ABCA6: variants seen among roughly 807,000 people sequenced by gnomAD.
ABCA6 encodes ATP binding cassette subfamily A member 6, also known as ATP-binding cassette sub-family A member 6.
ABCA6 carries 164 observed loss-of-function variants against 191.2 expected under a neutral mutation model. That is an observed-to-expected ratio of 0.86 (90% CI 0.76 to 0.98). The LOEUF is 0.98. ABCA6 is among the 50% of genes least tolerant of loss of function. The probability of loss-of-function intolerance (pLI) is 0.00; values close to 1 mark genes in which losing one functional copy is unlikely to be tolerated. For missense variants in ABCA6, 1,958 were observed against 1,894.1 expected (o/e 1.03, Z -0.63); for synonymous variants, 636 against 647.7 (o/e 0.98, Z 0.27).
Position 69,137,479 on chromosome 17 carries a change from G to A in ABCA6, c.118C>T (p.Leu40=), listed in dbSNP as rs763420156. The A allele has an allele frequency of 3.1e-6, 5 of 1,613,086 alleles. No individual in the cohort carries two copies. Among genetic ancestry groups the A allele is most frequent in the Non-Finnish European group, 4.2e-6 (5 of 1,179,562 alleles). The change falls in exon 3 of 39, where the codon CTA becomes TTA. Residue 40 remains leucine, a synonymous_variant. Coordinates refer to ENST00000284425, the MANE Select transcript of ABCA6 (RefSeq NM_080284.3). The stretch of plus-strand genomic sequence containing the variant: ...GAAAACAGAGCAATACACAGTCCTA[G>A]AAGTATTGAGAGGCCCCATTCCTGT... The part of the protein sequence containing the change: ...SLLEWGLSIL[L]GLCIALFSSS...
In ABCA6 at chr17:69,105,521, A is replaced by G. The variant is rs369171237; in HGVS notation, c.2681T>C (p.Leu894Pro). The G allele has an allele frequency of 1.9e-6, 3 of 1,611,150 alleles. No individual in the cohort carries two copies. The African/African-American group carries it at 4.0e-5, about 22-fold the overall frequency. ...DWEFKNELYF[L>P]SPGQLPQEPR... Reference sequence around the variant, plus strand: ...TTCCTGGGGAAGTTGTCCAGGAGAGAGAAAATACAATTCGTTTTTAAATTC... The same window carrying G: ...TTCCTGGGGAAGTTGTCCAGGAGAGGGAAAATACAATTCGTTTTTAAATTC... The change falls in exon 20 of 39, where the codon CTC (leucine) becomes CCC (proline). Residue 894 changes from leucine (L) to proline (P), a missense_variant. Coordinates refer to ENST00000284425, the MANE Select transcript of ABCA6 (RefSeq NM_080284.3).
At chr17:69,096,377 A>G in intron 24 of ABCA6, 24 bp from the exon 25 acceptor site, 1 of 1,266,214 alleles carries the variant, frequency 7.9e-7, no homozygotes, top group Non-Finnish European at 1.1e-6. Flanking sequence ...AAATAATAAC[A>G]TAGTCAAAAA....
At position 69,110,834 on chromosome 17, in the gene ABCA6, T is replaced by C. The variant is rs762453485; in HGVS notation, c.2239A>G (p.Thr747Ala). Reference sequence around the variant, plus strand: ...GTATTTGTCCTTTCCAGTGGCAAAGTATATACAAGCTTTTCTTTGTTTTCT... The same window carrying C: ...GTATTTGTCCTTTCCAGTGGCAAAGCATATACAAGCTTTTCTTTGTTTTCT... ...KTENKEKLVY[T>A]LPLERTNTFP... The change falls in exon 17 of 39, where the codon ACT becomes GCT. Residue 747 changes from threonine (T) to alanine (A), a missense_variant. Transcript: ENST00000284425. The C allele has an allele frequency of 6.8e-6, 11 of 1,611,062 alleles. No homozygotes were observed. In the African/African-American group the frequency reaches 9.4e-5, roughly 14 times the overall value.
intron 17 of ABCA6, 64 bp from the exon 18 acceptor site, chr17:69,107,876 T>A: frequency 1.1e-6 from 1 of 932,946 alleles, no homozygotes; most frequent in Non-Finnish European, 1.7e-6. Context: ...CCAAGTAAAT[T>A]AATACTTATT....
chr17:69,134,181 G>C (rs2073911015), intron 5 of ABCA6, among the ~76,000 whole-genome samples: 1 of 152,154 alleles, frequency 6.6e-6, no homozygotes, highest in Non-Finnish European at 1.5e-5. Context: ...TATAACCACA[G>C]GAAAATCTGA....
intron 10 of ABCA6, among the ~76,000 whole-genome samples, chr17:69,121,476 T>C (rs1378917440): frequency 6.6e-6 from 1 of 152,072 alleles, no homozygotes; most frequent in Non-Finnish European, 1.5e-5. Flanking sequence ...ATCAAATGAC[T>C]TTCTTTCCCT....
chr17:69,110,721 T>C lies in ABCA6; in HGVS notation c.2272+80A>G, dbSNP rs527494374. Reference sequence around the variant, plus strand: ...AAAACTAAGAAAAAGTCTAAATTCATTGGACAAAGAAAATTATTTTAATAA... The same window carrying C: ...AAAACTAAGAAAAAGTCTAAATTCACTGGACAAAGAAAATTATTTTAATAA... On this transcript the variant is annotated intron_variant, in intron 17 of 38. Transcript: ENST00000284425. The C allele has an allele frequency of 4.7e-4, 692 of 1,464,420 alleles. 9 individuals carry two copies. The South Asian group carries it at 8.2e-3, about 17-fold the overall frequency. The allele number at this position is 1,464,420 out of a possible 1,614,324, so 90.7% of individuals were successfully genotyped here. A position where few individuals can be genotyped will look rare whatever the true frequency, so the allele number is the denominator to read the frequency against.
Position 69,136,265 on chromosome 17 carries a change from G to A in ABCA6, c.302-15C>T. The A allele has an allele frequency of 6.8e-7, 1 of 1,473,672 alleles. No individual in the cohort carries two copies. The highest frequency in any genetic ancestry group is 9.0e-7 in the Non-Finnish European group (1 of 1,110,572). The allele number at this position is 1,473,672 out of a possible 1,614,324, so 91.3% of individuals were successfully genotyped here. ...GACACTTGTTCCTGTGAATTACAAG[G>A]TAAAAATAGACATAGAAAATTGTAA... On this transcript the variant is annotated splice_polypyrimidine_tract_variant and intron_variant, in intron 3 of 38. Coordinates refer to ENST00000284425, the MANE Select transcript of ABCA6 (RefSeq NM_080284.3).
At chr17:69,125,060 A>T (rs1239935076) in intron 8 of ABCA6, 25 bp from the exon 9 acceptor site, 1 of 1,178,484 alleles carries the variant, frequency 8.5e-7, no homozygotes. Context: ...ATAAAAATAA[A>T]TGTTTAAAAT....
chr17:69,098,802 T>A (rs2073110250), intron 22 of ABCA6, among the ~76,000 whole-genome samples: 1 of 151,856 alleles, frequency 6.6e-6, no homozygotes, highest in Non-Finnish European at 1.5e-5. Flanking sequence ...TTCCAGGGGA[T>A]GGGGGAGGGG....
chr17:69,093,789 T>C (rs1164469039), intron 25 of ABCA6, among the ~76,000 whole-genome samples: 2 of 152,196 alleles, frequency 1.3e-5, no homozygotes, highest in African/African-American at 2.4e-5. Flanking sequence ...TCTAGAAATA[T>C]GTAGATTCCT....
At chr17:69,103,746 TC>T (rs1346687458) in intron 20 of ABCA6, among the ~76,000 whole-genome samples, 1 of 151,682 alleles carries the variant, frequency 6.6e-6, no homozygotes. Flanking sequence ...GTCAGGCCCC[TC>T]CCCACGTTCC....
chr17:69,097,364 C>G (rs1015940641), intron 23 of ABCA6, among the ~76,000 whole-genome samples: 1 of 148,972 alleles, frequency 6.7e-6, no homozygotes, highest in Non-Finnish European at 1.5e-5. Flanking sequence ...GCACTCCAGC[C>G]TGGGCAACAG....
chr17:69,089,346 C>T lies in ABCA6; in HGVS notation c.3606+119G>A, dbSNP rs2072875344. ...TTAGAAACATGTCTGAAGGTAAGTGCTTTATCTAAGATCATATAAAAACAC... is the reference window on the plus strand; with the variant it reads ...TTAGAAACATGTCTGAAGGTAAGTGTTTTATCTAAGATCATATAAAAACAC... On this transcript the variant is annotated intron_variant, in intron 27 of 38. Transcript: ENST00000284425. 9.0e-6 allele frequency: 8 copies of T among 890,028 alleles called. No homozygotes were observed. In the South Asian group the frequency reaches 1.4e-4, roughly 15 times the overall value. The allele number at this position is 890,028 out of a possible 1,614,324, so 55.1% of individuals were successfully genotyped here.
At chr17:69,089,583 T>C in intron 26 of ABCA6, 41 bp from the exon 27 acceptor site, 2 of 1,459,106 alleles carry the variant, frequency 1.4e-6, no homozygotes, top group Non-Finnish European at 1.9e-6. Flanking sequence ...TAATGATAAT[T>C]CATCTGCTTT....
At chr17:69,093,148 T>G (rs1347156958) in intron 25 of ABCA6, among the ~76,000 whole-genome samples, 2 of 152,224 alleles carry the variant, frequency 1.3e-5, no homozygotes, top group Non-Finnish European at 2.9e-5. Flanking sequence ...TTTGTGTTTT[T>G]CTGAGCAAGT....
Position 69,091,244 on chromosome 17 carries a change from A to G in ABCA6, c.3427T>C (p.Ser1143Pro). The change falls in exon 26 of 39, where the codon TCC (serine) becomes CCC (proline). Residue 1143 changes from serine to proline, a missense_variant. By Grantham distance (74) the Ser-to-Pro change is moderately conservative. Transcript: ENST00000284425. ...YFFFASTIMF[S>P]ITLINHFDLS... is the part of the protein sequence containing the mutation. Reference sequence around the variant, plus strand: ...TCAAAATGATTGATTAAAGTGATGGAAAACATGATGGTGGAGGCCTACAAG... The same window carrying G: ...TCAAAATGATTGATTAAAGTGATGGGAAACATGATGGTGGAGGCCTACAAG... The G allele has an allele frequency of 6.2e-7, 1 of 1,611,634 alleles. No homozygotes were observed. Among genetic ancestry groups the G allele is most frequent in the Non-Finnish European group, 8.5e-7 (1 of 1,179,482 alleles).
intron 8 of ABCA6, among the ~76,000 whole-genome samples, chr17:69,128,279 T>G (rs1449671534): frequency 6.6e-6 from 1 of 152,056 alleles, no homozygotes; most frequent in Non-Finnish European, 1.5e-5. Flanking sequence ...ACAATAAAAG[T>G]GGGTTCATAT....
At chr17:69,097,736 T>A (rs976408689) in intron 23 of ABCA6, among the ~76,000 whole-genome samples, 184 bp downstream of exon 23, 5 of 152,208 alleles carry the variant, frequency 3.3e-5, no homozygotes, top group African/African-American at 9.6e-5. Context: ...GACTTTGGAA[T>A]AAAAAGCATT....
Sources: gnomAD v4.1 joint callset for allele counts (sites outside exome capture counted in the v4.1 genomes callset) on GRCh38, gnomAD v4.1.1 for gene constraint, MANE v1.5 for transcripts, NCBI Gene and HGNC (gene_info 2026-07-23, HGNC 2026-07-21) for gene names.